OR5A2: variants seen among roughly 807,000 people sequenced by gnomAD.
OR5A2 encodes the protein olfactory receptor 5A2.
For missense variants in OR5A2, 406 were observed against 398.9 expected, an observed-to-expected ratio of 1.02 and a Z score of -0.15; for synonymous variants, 155 against 151.1, an observed-to-expected ratio of 1.03 and a Z score of -0.19.
rs749969358 is a variant in OR5A2 at position 59,422,290 on chromosome 11, T to C, written c.664A>G (p.Ile222Val). The change falls in exon 2 of 2, where the codon ATT becomes GTT. Residue 222 changes from isoleucine (I) to valine (V), a missense_variant. Physicochemically the swap from Ile to Val is conservative, Grantham distance 29. Coordinates refer to ENST00000302040, the MANE Select transcript of OR5A2 (RefSeq NM_001001954.2). Reference sequence around the variant, plus strand: ...CTGATCTTCACAACAGCAGCAACAATGTAACCATAAGAGATGAGGACCACT... The same window carrying C: ...CTGATCTTCACAACAGCAGCAACAACGTAACCATAAGAGATGAGGACCACT... ...VLVVLISYGY[I>V]VAAVVKISSA... The C allele has an allele frequency of 3.7e-6, 6 of 1,614,032 alleles. No individual in the cohort carries two copies. The highest frequency in any genetic ancestry group is 5.1e-6 in the Non-Finnish European group (6 of 1,179,980).
Position 59,421,918 on chromosome 11 carries a change from C to G in OR5A2, c.*61G>C. The G allele has an allele frequency of 6.8e-7, 1 of 1,471,430 alleles. No individual in the cohort carries two copies. The highest frequency in any genetic ancestry group is 9.1e-7 in the Non-Finnish European group (1 of 1,096,288). The allele number at this position is 1,471,430 out of a possible 1,614,324, so 91.1% of individuals were successfully genotyped here. A position where few individuals can be genotyped will look rare whatever the true frequency, so the allele number is the denominator to read the frequency against. ...TCCCACAATTCATTCTATAGATCAA[C>G]TAGTTTAAAATTATGTAAATGTCTG... On this transcript the variant is annotated 3_prime_UTR_variant, in exon 2 of 2. Transcript: ENST00000302040.
Position 59,423,003 on chromosome 11 carries a change from G to A in OR5A2, c.-50C>T. On this transcript the variant is annotated 5_prime_UTR_variant, in exon 2 of 2. Coordinates refer to ENST00000302040, the MANE Select transcript of OR5A2 (RefSeq NM_001001954.2). ...TTACTTTCTTCTTTAAGAATCCTGT[G>A]GTCAGCTAGATTTTGTTTGTTATTG... The A allele has an allele frequency of 6.5e-7, 1 of 1,536,286 alleles. No individual in the cohort carries two copies. The highest frequency in any genetic ancestry group is 8.8e-7 in the Non-Finnish European group (1 of 1,138,202).
Position 59,426,279 on chromosome 11 carries a change from A to C in OR5A2, c.-200T>G, listed in dbSNP as rs1858303048. 6.6e-6 allele frequency: 1 copy of C among 152,190 alleles called. No individual in the cohort carries two copies. 9.4% of individuals were successfully genotyped at this position (152,190 alleles called of 1,614,324 possible). On this transcript the variant is annotated 5_prime_UTR_variant, in exon 1 of 2. Transcript: ENST00000302040. ...GCAAACCAGATCATCTGCATTTCCC[A>C]CTGCTCCATGGCTGGTTTCTCGTTC...
chr11:59,424,930 A>G (rs1289698284), intron 1 of OR5A2: 4 of 152,352 alleles, frequency 2.6e-5, no homozygotes, highest in Admixed American at 2.0e-4. Flanking sequence ...GGAATTTGGT[A>G]TCTCTTATCT....
chr11:59,423,585 A>T (rs1159582028), intron 1 of OR5A2: 10 of 152,070 alleles, frequency 6.6e-5, no homozygotes, highest in Admixed American at 6.5e-4. Context: ...GTGGGAAAAA[A>T]ATTTGTGTGT....
Position 59,421,779 on chromosome 11 carries a change from A to G in OR5A2, c.*200T>C, listed in dbSNP as rs117162206. ...TTTTCTGCTAGGCAGAGCATTTAAA[A>G]TCTCAAACTATACAATGCTATTCAT... On this transcript the variant is annotated 3_prime_UTR_variant, in exon 2 of 2. Coordinates refer to ENST00000302040, the MANE Select transcript of OR5A2 (RefSeq NM_001001954.2). The G allele has an allele frequency of 1.2e-3, 610 of 504,022 alleles. 4 individuals carry two copies. In the East Asian group the frequency reaches 0.018, roughly 14 times the overall value. 31.2% of individuals were successfully genotyped at this position (504,022 alleles called of 1,614,324 possible).
At chr11:59,423,831 T>C (rs1309334141) in intron 1 of OR5A2, 1 of 152,100 alleles carries the variant, frequency 6.6e-6, no homozygotes, top group Non-Finnish European at 1.5e-5. Context: ...AGCACAATTA[T>C]AGGAAAGAAG....
In OR5A2 at chr11:59,422,426, G is replaced by T; in HGVS notation, c.528C>A (p.Asn176Lys). 1 of 1,614,162 alleles carries T rather than the reference G, an allele frequency of 6.2e-7. No homozygotes were observed. The highest frequency in any genetic ancestry group is 8.5e-7 in the Non-Finnish European group (1 of 1,180,018). Residue 176 changes from asparagine (N) to lysine (K), a missense_variant, in exon 2 of 2, where the codon AAC becomes AAA. Transcript: ENST00000302040. ...CTGGAGGGAGGTCACAGAAAAAGTGGTTGATCATATAGGGCCCACAGAAAT... is the reference window on the plus strand; with the variant it reads ...CTGGAGGGAGGTCACAGAAAAAGTGTTTGATCATATAGGGCCCACAGAAAT... ...QHDFCGPYMINHFFCDLPPVL... is the reference protein window; with the variant it reads ...QHDFCGPYMIKHFFCDLPPVL...
chr11:59,422,199 A>G lies in OR5A2; in HGVS notation c.755T>C (p.Phe252Ser), dbSNP rs769848311. The G allele has an allele frequency of 7.1e-5, 114 of 1,614,004 alleles. No individual in the cohort carries two copies. The highest frequency in any genetic ancestry group is 9.5e-5 in the Non-Finnish European group (112 of 1,180,024). The change falls in exon 2 of 2, where the codon TTC becomes TCC. Residue 252 changes from phenylalanine to serine, a missense_variant. Phe to Ser is a radical substitution (Grantham distance 155). Transcript: ENST00000302040. ...CASHLTAVTL[F>S]YGSGFFMYMR... ...GTACATGAAGAATCCAGAACCATAG[A>G]AGAGGGTCACAGCAGTCAGGTGAGA...
At position 59,419,638 on chromosome 11, in the gene OR5A2, G is replaced by T. The variant is rs1205889295; in HGVS notation, c.*2341C>A. On this transcript the variant is annotated 3_prime_UTR_variant, in exon 2 of 2. Coordinates refer to ENST00000302040, the MANE Select transcript of OR5A2 (RefSeq NM_001001954.2). Reference sequence around the variant, plus strand: ...AAATACATTGGTTTCGTTCAGAAAGGCGGGACAACTCAAATTGGAGACTTC... The same window carrying T: ...AAATACATTGGTTTCGTTCAGAAAGTCGGGACAACTCAAATTGGAGACTTC... 2 of 152,134 alleles carry T rather than the reference G, an allele frequency of 1.3e-5. No individual in the cohort carries two copies. Among genetic ancestry groups the T allele is most frequent in the Non-Finnish European group, 2.9e-5 (2 of 68,032 alleles). 9.4% of individuals were successfully genotyped at this position (152,134 alleles called of 1,614,324 possible).
At position 59,422,169 on chromosome 11, in the gene OR5A2, C is replaced by G. The variant is rs774409327; in HGVS notation, c.785G>C (p.Arg262Pro). 2 of 1,613,884 alleles carry G rather than the reference C, an allele frequency of 1.2e-6. No individual in the cohort carries two copies. Among genetic ancestry groups the G allele is most frequent in the Admixed American group, 1.7e-5 (1 of 59,982 alleles). ...GTTTAGGGAGTAGCTGGAACTGGGT[C>G]GCATGTACATGAAGAATCCAGAACC... ...FYGSGFFMYMRPSSSYSLNRD... is the reference protein window; with the variant it reads ...FYGSGFFMYMPPSSSYSLNRD... Residue 262 changes from arginine (R) to proline (P), a missense_variant, in exon 2 of 2, where the codon CGA becomes CCA. Arg to Pro is a moderately radical substitution (Grantham distance 103). Coordinates refer to ENST00000302040, the MANE Select transcript of OR5A2 (RefSeq NM_001001954.2).
In OR5A2 at chr11:59,425,047, G is replaced by A. The variant is rs1038881331; in HGVS notation, c.-92+1124C>T. 3.9e-5 allele frequency: 6 copies of A among 152,294 alleles called. No individual in the cohort carries two copies. The Middle Eastern group carries it at 0.01, about 259-fold the overall frequency. The allele number at this position is 152,294 out of a possible 1,614,324, so 9.4% of individuals were successfully genotyped here. A position where few individuals can be genotyped will look rare whatever the true frequency, so the allele number is the denominator to read the frequency against. On this transcript the variant is annotated intron_variant, in intron 1 of 1. Coordinates refer to ENST00000302040, the MANE Select transcript of OR5A2 (RefSeq NM_001001954.2). The stretch of plus-strand genomic sequence containing the variant: ...TGTAACCACCCAATGGGTTCACCTT[G>A]CCCACTGCCTAGACAGAGCTCATTT...
rs138566893 is a variant in OR5A2 at position 59,418,786 on chromosome 11, G to A, written c.*3193C>T. ...TGCAAAAATACCTTATATCTTCTCA[G>A]TGCAATGAGAAATTTACCATTACTC... is the stretch of plus-strand genomic sequence containing the variant. On this transcript the variant is annotated 3_prime_UTR_variant, in exon 2 of 2. Transcript: ENST00000302040. The A allele has an allele frequency of 7.9e-5, 12 of 151,988 alleles. No individual in the cohort carries two copies. The highest frequency in any genetic ancestry group is 2.9e-4 in the African/African-American group (12 of 41,462). The allele number at this position is 151,988 out of a possible 1,614,324, so 9.4% of individuals were successfully genotyped here.
rs200551660 is a variant in OR5A2, at chr11:59,422,196, T to C, written c.758A>G (p.Tyr253Cys). Residue 253 changes from tyrosine to cysteine, a missense_variant, in exon 2 of 2, where the codon TAT becomes TGT. Tyr to Cys is a radical substitution (Grantham distance 194, BLOSUM62 -2). Coordinates refer to ENST00000302040, the MANE Select transcript of OR5A2 (RefSeq NM_001001954.2). ...CATGTACATGAAGAATCCAGAACCATAGAAGAGGGTCACAGCAGTCAGGTG... is the reference window on the plus strand; with the variant it reads ...CATGTACATGAAGAATCCAGAACCACAGAAGAGGGTCACAGCAGTCAGGTG... The part of the protein sequence containing the change: ...ASHLTAVTLF[Y>C]GSGFFMYMRP... 6.8e-5 allele frequency: 109 copies of C among 1,613,974 alleles called. No individual in the cohort carries two copies. Among genetic ancestry groups the C allele is most frequent in the Non-Finnish European group, 9.0e-5 (106 of 1,180,014 alleles).
At position 59,420,021 on chromosome 11, in the gene OR5A2, A is replaced by AT. The variant is rs377267411; in HGVS notation, c.*1957dup. 2.8e-3 allele frequency: 427 copies of AT among 152,188 alleles called. 5 individuals carry two copies. The highest frequency in any genetic ancestry group is 9.4e-3 in the African/African-American group (390 of 41,522). The allele number at this position is 152,188 out of a possible 1,614,324, so 9.4% of individuals were successfully genotyped here. A position where few individuals can be genotyped will look rare whatever the true frequency, so the allele number is the denominator to read the frequency against. ...ATATATTTTTGTGTAAAACATTTTGATTTTCTTCCTTGTTATGCTACAGTC... is the reference window on the plus strand; with the variant it reads ...ATATATTTTTGTGTAAAACATTTTGATTTTTCTTCCTTGTTATGCTACAGTC... On this transcript the variant is annotated 3_prime_UTR_variant, in exon 2 of 2. Transcript: ENST00000302040.
chr11:59,425,273 G>A (rs1273563160), intron 1 of OR5A2: 1 of 152,262 alleles, frequency 6.6e-6, no homozygotes, highest in East Asian at 1.9e-4. Flanking sequence ...ATGGGTCGAA[G>A]TGAGTTTTTC....
Position 59,422,628 on chromosome 11 carries a change from C to G in OR5A2, c.326G>C (p.Gly109Ala). ...TGCCAGGAGAAAGCATTCAGTCAGC[C>G]CCATCCCACAGAAGACAAAGTACTG... The part of the protein sequence containing the change: ...ATQYFVFCGM[G>A]LTECFLLAAM... Residue 109 changes from glycine (G) to alanine (A), a missense_variant, in exon 2 of 2, where the codon GGG becomes GCG. Coordinates refer to ENST00000302040, the MANE Select transcript of OR5A2 (RefSeq NM_001001954.2). 1 of 1,614,118 alleles carries G rather than the reference C, an allele frequency of 6.2e-7. No individual in the cohort carries two copies. Among genetic ancestry groups the G allele is most frequent in the Admixed American group, 1.7e-5 (1 of 60,022 alleles).
chr11:59,423,409 TAA>T (rs1858257472), intron 1 of OR5A2: 1 of 155,118 alleles, frequency 6.4e-6, no homozygotes, highest in African/African-American at 2.4e-5. Context: ...TGTAAATAAA[TAA>T]AGTATAATAA....
Position 59,422,114 on chromosome 11 carries a change from G to A in OR5A2, c.840C>T (p.Ala280=). ...NRDKVVSIFY[A]LVIPVVNPII... ...TGGGATTCACCACGGGGATCACCAA[G>A]GCATAGAATATGGACACCACCTTGT... is the stretch of plus-strand genomic sequence containing the variant. Residue 280 remains alanine, a synonymous_variant, in exon 2 of 2, where the codon GCC becomes GCT. Coordinates refer to ENST00000302040, the MANE Select transcript of OR5A2 (RefSeq NM_001001954.2). The A allele has an allele frequency of 6.2e-7, 1 of 1,614,090 alleles. No individual in the cohort carries two copies. Among genetic ancestry groups the A allele is most frequent in the African/African-American group, 1.3e-5 (1 of 75,020 alleles).
Sources: gnomAD v4.1 joint callset for allele counts on GRCh38, gnomAD v4.1.1 for gene constraint, MANE v1.5 for transcripts, NCBI Gene and HGNC (gene_info 2026-07-23, HGNC 2026-07-21) for gene names.